RGS6: variants seen among roughly 807,000 people sequenced by gnomAD.
The protein encoded by RGS6 is regulator of G-protein signaling 6.
A neutral mutation model predicts 78.5 loss-of-function variants in RGS6; 30 were observed. The ratio of observed to expected loss-of-function variants is 0.38; its 90% CI spans 0.29 to 0.52. The LOEUF is 0.52. Among genes scored for constraint, RGS6 ranks in the 20% least tolerant of loss-of-function variants. The pLI, the probability that RGS6 is intolerant of heterozygous loss-of-function variation, is 0.85. For missense variants in RGS6, 495 were observed against 609.7 expected (o/e 0.81, Z 1.98); for synonymous variants, 206 against 206.0 (o/e 1.00, Z 0.00).
intron 2 of RGS6, among the ~76,000 whole-genome samples, chr14:72,001,370 T>G (rs2083386104): frequency 1.3e-5 from 2 of 152,126 alleles, no homozygotes; most frequent in Admixed American, 1.3e-4. Context: ...TCTGTGAAAA[T>G]TTAGTTCTCT....
At chr14:72,169,920 C>G (rs904342804) in intron 2 of RGS6, among the ~76,000 whole-genome samples, 1 of 152,116 alleles carries the variant, frequency 6.6e-6, no homozygotes, top group African/African-American at 2.4e-5. Context: ...CCAGGTAATA[C>G]CTATGCTCAT....
At chr14:72,519,295 G>T (rs1427803515) in intron 15 of RGS6, among the ~76,000 whole-genome samples, 1 of 152,136 alleles carries the variant, frequency 6.6e-6, no homozygotes, top group East Asian at 1.9e-4. Context: ...ATAAGCATTG[G>T]GTTGGTTTCT....
At chr14:72,010,964 CA>C (rs2085555263) in intron 2 of RGS6, among the ~76,000 whole-genome samples, 1 of 152,222 alleles carries the variant, frequency 6.6e-6, no homozygotes, top group Non-Finnish European at 1.5e-5. Context: ...CATCTCTGCC[CA>C]CTCATTGCAG....
At chr14:71,978,060 G>C (rs1243324502) in intron 2 of RGS6, among the ~76,000 whole-genome samples, 1 of 150,954 alleles carries the variant, frequency 6.6e-6, no homozygotes. Flanking sequence ...TTGGCTCTCT[G>C]TTTGTCTGTT....
chr14:72,506,984 TAAAAAAAAAAAAA>T lies in RGS6; in HGVS notation c.966-3147_966-3135del, dbSNP rs71109738. 2.1e-3 allele frequency among the ~76,000 whole-genome samples: 115 copies of T among 54,392 alleles called. 1 individual carries two copies. Among genetic ancestry groups the T allele is most frequent in the African/African-American group, 4.8e-3 (104 of 21,614 alleles). The allele number at this position is 54,392 out of a possible 152,430, so 35.7% of individuals were successfully genotyped here. On this transcript the variant is annotated intron_variant, in intron 13 of 17. Transcript: ENST00000553525. ...TAACACGGTGAAACCCTGTCTCTAC[TAAAAAAAAAAAAA>T]AAAAAAAAAAAAAAAAAAAAAATTA... is the stretch of plus-strand genomic sequence containing the variant.
chr14:72,177,454 G>A (rs550816668), intron 2 of RGS6, among the ~76,000 whole-genome samples: 4 of 152,250 alleles, frequency 2.6e-5, no homozygotes, highest in South Asian at 2.1e-4. Flanking sequence ...GGGGAAGCAT[G>A]GCACCAGTCC....
chr14:72,085,040 C>G (rs1019694408), intron 2 of RGS6, among the ~76,000 whole-genome samples: 4 of 152,158 alleles, frequency 2.6e-5, no homozygotes, highest in African/African-American at 9.7e-5. Context: ...TTATCTTCAT[C>G]ATCAGCATGC....
chr14:72,104,170 C>T (rs17107255), intron 2 of RGS6, among the ~76,000 whole-genome samples: 2 of 151,896 alleles, frequency 1.3e-5, no homozygotes, highest in East Asian at 1.9e-4. Flanking sequence ...TGTTTCTTTG[C>T]CTCCCATGGG....
chr14:72,360,093 G>A (rs2081160197), intron 3 of RGS6, among the ~76,000 whole-genome samples: 2 of 152,114 alleles, frequency 1.3e-5, no homozygotes, highest in African/African-American at 4.8e-5. Flanking sequence ...ACTCAGTGGG[G>A]GTGGGGGAGA....
intron 15 of RGS6, among the ~76,000 whole-genome samples, chr14:72,519,440 G>T (rs1295770284): frequency 3.9e-5 from 6 of 152,148 alleles, no homozygotes; most frequent in Non-Finnish European, 7.3e-5. Flanking sequence ...TGGGTGGTTT[G>T]CCCCTTGCAG....
the RGS6 span, among the ~76,000 whole-genome samples, chr14:71,909,369 G>A: frequency 6.6e-6 from 1 of 152,150 alleles, no homozygotes; most frequent in African/African-American, 2.4e-5. Context: ...AGTTATGAAA[G>A]TATTTGCTAT....
chr14:72,541,296 T>TA (rs2097323801), intron 17 of RGS6: 1 of 909,350 alleles, frequency 1.1e-6, no homozygotes, highest in Admixed American at 6.2e-5. Context: ...GAAAGCAGCC[T>TA]AGTCATTTAC....
intron 3 of RGS6, among the ~76,000 whole-genome samples, chr14:72,447,964 G>A (rs1428144006): frequency 2.6e-5 from 4 of 152,106 alleles, no homozygotes; most frequent in South Asian, 2.1e-4. Flanking sequence ...TCGGCCTCCC[G>A]CAGTGTACTG....
chr14:72,075,358 A>T (rs1393332216), intron 2 of RGS6, among the ~76,000 whole-genome samples: 1 of 152,210 alleles, frequency 6.6e-6, no homozygotes, highest in Non-Finnish European at 1.5e-5. Context: ...ATACCCAACA[A>T]GATAAGTAAA....
the RGS6 span, among the ~76,000 whole-genome samples, chr14:72,607,303 A>G: frequency 2.0e-5 from 3 of 152,214 alleles, no homozygotes; most frequent in Non-Finnish European, 4.4e-5. Context: ...TGGAGACTGG[A>G]AAGTCCAAGA....
intron 2 of RGS6, among the ~76,000 whole-genome samples, chr14:72,021,432 A>C (rs906729017): frequency 1.3e-5 from 2 of 150,688 alleles, no homozygotes; most frequent in Non-Finnish European, 3.0e-5. Context: ...ATGCTATTAC[A>C]ATATGTTTTT....
intron 2 of RGS6, among the ~76,000 whole-genome samples, chr14:72,296,923 C>T (rs1017595817): frequency 3.3e-5 from 5 of 152,076 alleles, no homozygotes; most frequent in Admixed American, 6.5e-5. Flanking sequence ...ACATTTATGT[C>T]TATGATTCAT....
chr14:72,261,010 G>T (rs2058059323), intron 2 of RGS6, among the ~76,000 whole-genome samples: 1 of 152,172 alleles, frequency 6.6e-6, no homozygotes, highest in African/African-American at 2.4e-5. Flanking sequence ...CCCAGACTGT[G>T]AGAACCCTGA....
Position 72,458,317 on chromosome 14 carries a change from C to A in RGS6, c.282C>A (p.Ile94=), listed in dbSNP as rs1021942284. Residue 94 remains isoleucine, a synonymous_variant, in exon 5 of 18, where the codon ATC becomes ATA. Coordinates refer to ENST00000553525, the MANE Select transcript of RGS6 (RefSeq NM_001204424.2). ...GCCTTATCGCTGCCCAGGGCTACATCTTTCCAATCTCAGACCATGTTCTCA... is the reference window on the plus strand; with the variant it reads ...GCCTTATCGCTGCCCAGGGCTACATATTTCCAATCTCAGACCATGTTCTCA... ...LGSLIAAQGY[I]FPISDHVLTM... The A allele has an allele frequency of 1.2e-6, 2 of 1,614,178 alleles. No individual in the cohort carries two copies. The highest frequency in any genetic ancestry group is 1.7e-6 in the Non-Finnish European group (2 of 1,179,992).
Sources: allele counts gnomAD v4.1 joint callset (sites outside exome capture counted in the v4.1 genomes callset), GRCh38; gene constraint gnomAD v4.1.1; transcripts MANE v1.5; gene names NCBI Gene and HGNC (gene_info 2026-07-23, HGNC 2026-07-21).